The following EP300 variants were observed in gnomAD, a reference collection of about 807,000 sequenced individuals.
EP300 encodes the protein histone acetyltransferase p300.
In EP300, 31 loss-of-function variants were observed where a neutral mutation model predicts 264.0. That is an observed-to-expected ratio of 0.12 (90% CI 0.09 to 0.16). The LOEUF (loss-of-function observed/expected upper bound fraction) is 0.16, where lower values mean the gene tolerates loss of function less well. Among genes scored for constraint, EP300 ranks in the 10% least tolerant of loss-of-function variants. The pLI is 1.00. For synonymous variants in EP300, 1,340 were observed against 1,045.4 expected, an observed-to-expected ratio of 1.28 and a Z score of -5.44; for missense variants, 2,766 against 3,052.9, an observed-to-expected ratio of 0.91 and a Z score of 2.21.
At chr22:41,133,324 A>G (rs1569099014) in intron 6 of EP300, among the ~76,000 whole-genome samples, 4 of 148,568 alleles carry the variant, frequency 2.7e-5, no homozygotes, top group Admixed American at 6.7e-5. Context: ...CACCCAGCTA[A>G]TTTTTTTTTT....
At position 41,149,619 on chromosome 22, in the gene EP300, G is replaced by A. The variant is rs117597170; in HGVS notation, c.2380-142G>A. The A allele has an allele frequency of 0.05, 44,078 of 882,096 alleles. 4,915 individuals are homozygous for A. The highest frequency in any genetic ancestry group is 0.38 in the Admixed American group (18,772 of 49,754). The allele number at this position is 882,096 out of a possible 1,614,324, so 54.6% of individuals were successfully genotyped here. A position where few individuals can be genotyped will look rare whatever the true frequency, so the allele number is the denominator to read the frequency against. ...TCCAAAGATACATGCCCAGTAATAGGGTATTTTACACATTTTGAAATAGAC... is the reference window on the plus strand; with the variant it reads ...TCCAAAGATACATGCCCAGTAATAGAGTATTTTACACATTTTGAAATAGAC... On this transcript the variant is annotated intron_variant, in intron 13 of 30. Coordinates refer to ENST00000263253, the MANE Select transcript of EP300 (RefSeq NM_001429.4).
At chr22:41,164,571 G>A (rs547392514) in intron 22 of EP300, among the ~76,000 whole-genome samples, 20 of 152,286 alleles carry the variant, frequency 1.3e-4, no homozygotes, top group African/African-American at 3.8e-4. Flanking sequence ...AATTAGCCTG[G>A]CGTGGTGGTG....
At chr22:41,156,336 A>C (rs966157131) in intron 17 of EP300, among the ~76,000 whole-genome samples, 3 of 152,216 alleles carry the variant, frequency 2.0e-5, no homozygotes, top group Admixed American at 6.5e-5. Context: ...CAAGAGCAAT[A>C]GGTCATAGCA....
chr22:41,104,745 C>G (rs566361252), intron 1 of EP300, among the ~76,000 whole-genome samples: 1 of 152,208 alleles, frequency 6.6e-6, no homozygotes, highest in Admixed American at 6.5e-5. Context: ...TAAGGCTGGG[C>G]GCAGTGGCCT....
At chr22:41,154,609 A>G (rs550510076) in intron 16 of EP300, among the ~76,000 whole-genome samples, 1 of 152,080 alleles carries the variant, frequency 6.6e-6, no homozygotes, top group East Asian at 1.9e-4. Flanking sequence ...TCTGACCTCA[A>G]AGTGATCTGC....
intron 19 of EP300, chr22:41,158,796 G>C (rs1342086283): frequency 5.0e-6 from 2 of 396,172 alleles, no homozygotes; most frequent in Non-Finnish European, 9.5e-6. Flanking sequence ...TTTCTACTGT[G>C]TGTTTGTTGA....
At chr22:41,102,029 C>CTTTTTTTTTTTTTTTTTTTT (rs5845488) in intron 1 of EP300, among the ~76,000 whole-genome samples, 7 of 119,242 alleles carry the variant, frequency 5.9e-5, no homozygotes, top group Non-Finnish European at 1.0e-4. Flanking sequence ...TTTTTCTTTT[C>CTTTTTTTTTTTTTTTTTTTT]TTTTTTTTTT....
At chr22:41,164,018 TG>T in intron 21 of EP300, 34 bp from the exon 22 acceptor site, 2 of 1,598,364 alleles carry the variant, frequency 1.3e-6, no homozygotes, top group South Asian at 2.2e-5. Flanking sequence ...GGTTAAGGTT[TG>T]GGGTTAATTT....
At chr22:41,165,587 C>T (rs1272340528) in intron 22 of EP300, among the ~76,000 whole-genome samples, 1 of 151,868 alleles carries the variant, frequency 6.6e-6, no homozygotes, top group African/African-American at 2.4e-5. Flanking sequence ...CCATGCCCGG[C>T]TAATTTTTGT....
intron 2 of EP300, among the ~76,000 whole-genome samples, chr22:41,119,175 A>T (rs8141750): frequency 0.34 from 37,688 of 111,690 alleles, 6,670 homozygotes; most frequent in Middle Eastern, 0.39. Flanking sequence ...GCTTATTATT[A>T]TTTTTTTTTT....
At chr22:41,128,758 G>T (rs530278981) in intron 4 of EP300, among the ~76,000 whole-genome samples, 26 of 152,018 alleles carry the variant, frequency 1.7e-4, no homozygotes, top group African/African-American at 6.0e-4. Context: ...TGGTCCACCC[G>T]CCTTGGCCTC....
chr22:41,119,201 T>TTA (rs1428993985), intron 2 of EP300, among the ~76,000 whole-genome samples: 3 of 145,376 alleles, frequency 2.1e-5, no homozygotes, highest in Non-Finnish European at 4.5e-5. Flanking sequence ...TTTTTTTTTT[T>TTA]AAGAGATGGG....
chr22:41,133,152 T>TCCCCCCCCCCCCCCCCCCC (rs71821697), intron 6 of EP300, among the ~76,000 whole-genome samples: 1 of 65,058 alleles, frequency 1.5e-5, no homozygotes, highest in African/African-American at 4.5e-5. Context: ...CCTAAGATTA[T>TCCCCCCCCCCCCCCCCCCC]CCCCCCCCCC....
chr22:41,095,009 AT>A (rs2058694359), intron 1 of EP300, among the ~76,000 whole-genome samples: 2 of 152,138 alleles, frequency 1.3e-5, no homozygotes, highest in Non-Finnish European at 1.5e-5. Context: ...CAACATTGAG[AT>A]TAATTCATTC....
intron 1 of EP300, among the ~76,000 whole-genome samples, chr22:41,116,309 C>T (rs1051125638): frequency 1.9e-4 from 29 of 151,938 alleles, no homozygotes; most frequent in African/African-American, 5.1e-4. Flanking sequence ...GGTGGTTTGC[C>T]GCACCCATCA....
chr22:41,119,181 T>TA lies in EP300; in HGVS notation c.729+1360_729+1361insA, dbSNP rs377580765. On this transcript the variant is annotated intron_variant, in intron 2 of 30. Coordinates refer to ENST00000263253, the MANE Select transcript of EP300 (RefSeq NM_001429.4). ...CCATGCCTGGCTTATTATTATTTTT[T>TA]TTTTTTTTTTTTTTTTTTTTAAGAG... Among the ~76,000 whole-genome samples, 565 of 117,242 alleles carry TA rather than the reference T, an allele frequency of 4.8e-3. 13 individuals carry two copies. The highest frequency in any genetic ancestry group is 0.038 in the Admixed American group (420 of 11,172). 76.9% of individuals were successfully genotyped at this position (117,242 alleles called of 152,430 possible). A position where few individuals can be genotyped will look rare whatever the true frequency, so the allele number is the denominator to read the frequency against.
intron 1 of EP300, among the ~76,000 whole-genome samples, chr22:41,097,154 C>T (rs978753514): frequency 6.6e-6 from 1 of 152,146 alleles, no homozygotes; most frequent in African/African-American, 2.4e-5. Context: ...TACTAAAGTG[C>T]TTTAAGTTTT....
At chr22:41,163,880 T>C (rs1462506635) in intron 21 of EP300, among the ~76,000 whole-genome samples, 173 bp from the exon 22 acceptor site, 1 of 152,168 alleles carries the variant, frequency 6.6e-6, no homozygotes, top group African/African-American at 2.4e-5. Flanking sequence ...TGCCACCCAC[T>C]CCAGCCTGTA....
chr22:41,139,270 G>A (rs755056058), intron 8 of EP300, among the ~76,000 whole-genome samples: 1 of 152,126 alleles, frequency 6.6e-6, no homozygotes, highest in Non-Finnish European at 1.5e-5. Context: ...TTCTTCAGTG[G>A]TAGCACTAAG....
Sources: allele counts gnomAD v4.1 joint callset (sites outside exome capture counted in the v4.1 genomes callset), GRCh38; gene constraint gnomAD v4.1.1; transcripts MANE v1.5; gene names NCBI Gene and HGNC (gene_info 2026-07-23, HGNC 2026-07-21).